TRABD2B: variants seen among roughly 807,000 people sequenced by gnomAD.
TRABD2B encodes metalloprotease TIKI2.
Under a neutral mutation model 40.1 loss-of-function variants are expected in TRABD2B, and 14 were observed. The observed-to-expected ratio is 0.35, with a 90% CI of 0.23 to 0.55. TRABD2B has a LOEUF of 0.55. Ranked by LOEUF, TRABD2B falls within the 20% of genes least tolerant of loss-of-function variation. The pLI is 0.90. For synonymous variants in TRABD2B, 263 were observed against 277.0 expected (o/e 0.95, Z 0.50); for missense variants, 541 against 648.6 (o/e 0.83, Z 1.80).
rs1025457793 is a variant in TRABD2B, at chr1:47,778,957, G to A, written c.989-413C>T. ...ACAGTCCAGGCTGGGACAGCCTCCAGCAGTCACTCAAAGCCCAGCTCCAGG... is the reference window on the plus strand; with the variant it reads ...ACAGTCCAGGCTGGGACAGCCTCCAACAGTCACTCAAAGCCCAGCTCCAGG... On this transcript the variant is annotated intron_variant, in intron 4 of 6. Coordinates refer to ENST00000606738, the MANE Select transcript of TRABD2B (RefSeq NM_001194986.2). Among the ~76,000 whole-genome samples the A allele has an allele frequency of 4.3e-4, 65 of 152,192 alleles. 1 individual carries two copies. The highest frequency in any genetic ancestry group is 1.2e-4 in the Non-Finnish European group (8 of 68,030).
chr1:47,785,330 G>A (rs1644581266), intron 4 of TRABD2B, among the ~76,000 whole-genome samples: 1 of 152,188 alleles, frequency 6.6e-6, no homozygotes, highest in Admixed American at 6.5e-5. Flanking sequence ...GCTGAGGGTC[G>A]AAGAGCACTT....
chr1:47,894,662 C>A (rs1644493170), intron 2 of TRABD2B, among the ~76,000 whole-genome samples: 1 of 152,164 alleles, frequency 6.6e-6, no homozygotes. Flanking sequence ...GGGACCAAGT[C>A]ATTGTGTCAA....
At chr1:47,957,166 C>G (rs1185104680) in intron 2 of TRABD2B, among the ~76,000 whole-genome samples, 2 of 152,324 alleles carry the variant, frequency 1.3e-5, no homozygotes, top group African/African-American at 4.8e-5. Flanking sequence ...AAAGAAAACT[C>G]ACAAACAGAA....
At chr1:47,964,484 A>T (rs1645569747) in intron 2 of TRABD2B, among the ~76,000 whole-genome samples, 1 of 152,200 alleles carries the variant, frequency 6.6e-6, no homozygotes, top group Non-Finnish European at 1.5e-5. Flanking sequence ...ACTGAGTGTC[A>T]TGTTTTGAAA....
Position 47,766,045 on chromosome 1 carries a change from G to C in TRABD2B, c.1411C>G (p.Pro471Ala). Residue 471 changes from proline to alanine, a missense_variant, in exon 7 of 7, where the codon CCC becomes GCC. By Grantham distance (27) the Pro-to-Ala change is conservative. This residue lies in a region of TRABD2B where 172 missense variants were observed against 155.8 expected (regional missense o/e 1.10). Coordinates refer to ENST00000606738, the MANE Select transcript of TRABD2B (RefSeq NM_001194986.2). The part of the protein sequence containing the change: ...QPTHSSGTAK[P>A]PFQLSDQLQQ... ...AGCTGGTCTGAAAGCTGGAAGGGGG[G>C]CTTGGCGGTCCCCGAGCTGTGGGTG... is the stretch of plus-strand genomic sequence containing the variant. 1 of 696,184 alleles carries C rather than the reference G, an allele frequency of 1.4e-6. No homozygotes were observed. Among genetic ancestry groups the C allele is most frequent in the South Asian group, 1.5e-5 (1 of 66,052 alleles). The allele number at this position is 696,184 out of a possible 1,614,324, so 43.1% of individuals were successfully genotyped here.
intron 3 of TRABD2B, among the ~76,000 whole-genome samples, chr1:47,800,649 G>A (rs1644810436): frequency 6.6e-6 from 1 of 152,216 alleles, no homozygotes; most frequent in Non-Finnish European, 1.5e-5. Context: ...CTTCTTGAAT[G>A]AACGGGTATT....
chr1:47,796,018 G>A (rs922843451), intron 3 of TRABD2B, among the ~76,000 whole-genome samples: 3 of 152,074 alleles, frequency 2.0e-5, no homozygotes, highest in African/African-American at 2.4e-5. Flanking sequence ...CCCAACAGCC[G>A]GCACAAAGAA....
At chr1:47,919,903 G>A (rs1570287493) in intron 2 of TRABD2B, among the ~76,000 whole-genome samples, 1 of 152,226 alleles carries the variant, frequency 6.6e-6, no homozygotes, top group South Asian at 2.1e-4. Flanking sequence ...GGAGGAGAGG[G>A]GTTGAGAGGG....
At chr1:47,788,481 A>G (rs1321958433) in intron 4 of TRABD2B, among the ~76,000 whole-genome samples, 1 of 152,170 alleles carries the variant, frequency 6.6e-6, no homozygotes, top group Non-Finnish European at 1.5e-5. Flanking sequence ...TGGTGCTCAC[A>G]CTGCTTGCCT....
At chr1:47,880,639 C>A (rs1287203829) in intron 2 of TRABD2B, among the ~76,000 whole-genome samples, 2 of 152,158 alleles carry the variant, frequency 1.3e-5, no homozygotes, top group East Asian at 3.9e-4. Flanking sequence ...GGAGGCACAG[C>A]GTGTGCACAG....
At chr1:47,849,300 T>G (rs550946679) in intron 2 of TRABD2B, among the ~76,000 whole-genome samples, 1 of 152,090 alleles carries the variant, frequency 6.6e-6, no homozygotes. Flanking sequence ...ACACCAGACA[T>G]GTGTACAACT....
intron 2 of TRABD2B, among the ~76,000 whole-genome samples, chr1:47,821,252 A>T (rs1645104673): frequency 6.6e-6 from 1 of 152,196 alleles, no homozygotes; most frequent in Non-Finnish European, 1.5e-5. Context: ...TGTGCTATGG[A>T]GTCTTGAGAG....
At chr1:47,840,248 G>A (rs531029791) in intron 2 of TRABD2B, among the ~76,000 whole-genome samples, 3 of 152,264 alleles carry the variant, frequency 2.0e-5, no homozygotes, top group South Asian at 2.1e-4. Flanking sequence ...ATGGGCACTC[G>A]CTACATGCTG....
chr1:47,894,693 T>C (rs887726729), intron 2 of TRABD2B, among the ~76,000 whole-genome samples: 2 of 152,144 alleles, frequency 1.3e-5, no homozygotes, highest in Non-Finnish European at 1.5e-5. Flanking sequence ...ACCAGCAGTA[T>C]GTGTGAGTGC....
At chr1:47,833,555 C>T (rs1023920400) in intron 2 of TRABD2B, among the ~76,000 whole-genome samples, 11 of 152,348 alleles carry the variant, frequency 7.2e-5, no homozygotes, top group African/African-American at 2.4e-4. Context: ...TAGTCCTTCC[C>T]TCTTGGTAGC....
At chr1:47,974,247 GACATGCATGTCCTGT>G (rs1645722966) in intron 2 of TRABD2B, among the ~76,000 whole-genome samples, 1 of 152,010 alleles carries the variant, frequency 6.6e-6, no homozygotes, top group South Asian at 2.1e-4. Flanking sequence ...TCCATCTCCT[GACATGCATGTCCTGT>G]ACATGCATGG....
chr1:47,779,840 G>A (rs1237094791), intron 4 of TRABD2B, among the ~76,000 whole-genome samples: 1 of 152,222 alleles, frequency 6.6e-6, no homozygotes, highest in Non-Finnish European at 1.5e-5. Flanking sequence ...GTGGTGACAG[G>A]TGGAAGCCAG....
At position 47,994,788 on chromosome 1, in the gene TRABD2B, T is replaced by C. The variant is rs1244891852; in HGVS notation, c.103-191A>G. 6.6e-6 allele frequency among the ~76,000 whole-genome samples: 1 copy of C among 152,200 alleles called. No individual in the cohort carries two copies. The highest frequency in any genetic ancestry group is 6.5e-5 in the Admixed American group (1 of 15,286). On this transcript the variant is annotated intron_variant, in intron 1 of 6. Coordinates refer to ENST00000606738, the MANE Select transcript of TRABD2B (RefSeq NM_001194986.2). The surrounding 1 kb of genome is among the most constrained non-coding windows in gnomAD (Gnocchi z 6.7). Reference sequence around the variant, plus strand: ...ACCTAGCTTTGCCCTGTCTTAGATGTATGATCTTGAGTGAATCATTTCACT... The same window carrying C: ...ACCTAGCTTTGCCCTGTCTTAGATGCATGATCTTGAGTGAATCATTTCACT...
intron 2 of TRABD2B, among the ~76,000 whole-genome samples, chr1:47,984,132 G>A (rs1645881957): frequency 6.6e-6 from 1 of 152,224 alleles, no homozygotes; most frequent in Non-Finnish European, 1.5e-5. Flanking sequence ...ACCTTAATAG[G>A]GAGGAAGGAG....
Sources: gnomAD v4.1 joint callset for allele counts (sites outside exome capture counted in the v4.1 genomes callset) on GRCh38, gnomAD v4.1.1 for gene constraint, gnomAD v4.1.1 regional missense constraint, Gnocchi (gnomAD v3.1) non-coding constraint, MANE v1.5 for transcripts, NCBI Gene and HGNC (gene_info 2026-07-23, HGNC 2026-07-21) for gene names.